The following KCNIP1 variants were observed in gnomAD, a reference collection of about 807,000 sequenced individuals.
KCNIP1 encodes potassium voltage-gated channel interacting protein 1, also known as A-type potassium channel modulatory protein KCNIP1.
In KCNIP1, 18 loss-of-function variants were observed where a neutral mutation model predicts 33.0. The observed-to-expected ratio is 0.55, with a 90% CI of 0.38 to 0.81. The LOEUF (loss-of-function observed/expected upper bound fraction) is 0.81. Among genes scored for constraint, KCNIP1 ranks in the 30% least tolerant of loss-of-function variants. The pLI, the probability that KCNIP1 is intolerant of heterozygous loss-of-function variation, is 0.00. For missense variants in KCNIP1, 238 were observed against 271.6 expected, an observed-to-expected ratio of 0.88 and a Z score of 0.87; for synonymous variants, 93 against 98.3, an observed-to-expected ratio of 0.95 and a Z score of 0.32.
intron 1 of KCNIP1, among the ~76,000 whole-genome samples, chr5:170,578,107 C>T (rs1265783021): frequency 6.6e-6 from 1 of 152,232 alleles, no homozygotes; most frequent in Non-Finnish European, 1.5e-5. Context: ...ATGTGGTAGG[C>T]AGGCTTTGCT....
intron 1 of KCNIP1, among the ~76,000 whole-genome samples, chr5:170,550,828 A>T (rs1756600422): frequency 6.6e-6 from 1 of 152,216 alleles, no homozygotes; most frequent in African/African-American, 2.4e-5. Context: ...GGCAATGATG[A>T]TAGAGTTTAA....
At chr5:170,353,804 G>A in exon 1 of KCNIP1, 1 of 1,421,788 alleles carries the variant, frequency 7.0e-7, no homozygotes, top group African/African-American at 1.4e-5. Context: ...CAGGCTCCAA[G>A]TTCCTGGGGT....
intron 1 of KCNIP1, among the ~76,000 whole-genome samples, chr5:170,667,056 A>G (rs903107941): frequency 1.3e-5 from 2 of 152,212 alleles, no homozygotes; most frequent in East Asian, 1.9e-4. Context: ...GCTCACGCCT[A>G]TAATCCCAAC....
At chr5:170,604,646 T>A (rs1482446707) in intron 1 of KCNIP1, among the ~76,000 whole-genome samples, 1 of 152,164 alleles carries the variant, frequency 6.6e-6, no homozygotes. Flanking sequence ...TATTCCCTGC[T>A]CACTCCTGGT....
chr5:170,404,310 A>T (rs1313476008), intron 1 of KCNIP1, among the ~76,000 whole-genome samples: 1 of 151,872 alleles, frequency 6.6e-6, no homozygotes, highest in Non-Finnish European at 1.5e-5. Flanking sequence ...TTTTTTTCCA[A>T]GATTTTTTTT....
At chr5:170,676,659 A>G (rs1762156555) in intron 1 of KCNIP1, among the ~76,000 whole-genome samples, 1 of 152,192 alleles carries the variant, frequency 6.6e-6, no homozygotes, top group Non-Finnish European at 1.5e-5. Context: ...GAAAGCCCCC[A>G]TGGCAGCAGC....
chr5:170,503,929 T>TG, upstream of KCNIP1: 45 of 498,998 alleles, frequency 9.0e-5, no homozygotes, highest in Non-Finnish European at 1.1e-4. Flanking sequence ...GGGCTGGGCG[T>TG]CCCCCGCCCC....
chr5:170,621,543 C>T (rs2113644013), intron 1 of KCNIP1, among the ~76,000 whole-genome samples: 1 of 152,268 alleles, frequency 6.6e-6, no homozygotes, highest in South Asian at 2.1e-4. Context: ...TGATTTATTG[C>T]TCTGTCACCC....
chr5:170,646,135 A>T (rs2113710281), intron 1 of KCNIP1, among the ~76,000 whole-genome samples: 1 of 152,348 alleles, frequency 6.6e-6, no homozygotes, highest in Admixed American at 6.5e-5. Context: ...CCAGGCTCAG[A>T]TAGGCTGATT....
chr5:170,563,547 A>G (rs1409693153), intron 1 of KCNIP1, among the ~76,000 whole-genome samples: 1 of 152,232 alleles, frequency 6.6e-6, no homozygotes, highest in African/African-American at 2.4e-5. Context: ...GCTCTCAGCT[A>G]CATCTTACCT....
At chr5:170,353,824 G>A in exon 1 of KCNIP1, 1 of 1,545,776 alleles carries the variant, frequency 6.5e-7, no homozygotes, top group Non-Finnish European at 8.9e-7. Flanking sequence ...TGCACAAGGT[G>A]GGCACTGTCC....
chr5:170,515,672 C>T (rs909382781), intron 1 of KCNIP1, among the ~76,000 whole-genome samples: 8 of 152,218 alleles, frequency 5.3e-5, no homozygotes, highest in Non-Finnish European at 1.2e-4. Flanking sequence ...AGCAAATGTC[C>T]AATGTCTCAC....
In KCNIP1 at chr5:170,735,767, C is replaced by T. The variant is rs1279340983; in HGVS notation, c.612C>T (p.Asn204=). ...EFLESCQEDD[N]IMRSLQLFQN... is the part of the protein sequence containing the mutation. Reference sequence around the variant, plus strand: ...CCCTCCTTTTTTCCCAGGACGACAACATCATGAGGTCTCTCCAGCTGTTTC... The same window carrying T: ...CCCTCCTTTTTTCCCAGGACGACAATATCATGAGGTCTCTCCAGCTGTTTC... The change falls in exon 8 of 8, where the codon AAC becomes AAT. Residue 204 remains asparagine (N), a synonymous_variant. Coordinates refer to ENST00000328939, the MANE Select transcript of KCNIP1 (RefSeq NM_014592.4). The T allele has an allele frequency of 2.8e-5, 45 of 1,613,950 alleles. No homozygotes were observed. Among genetic ancestry groups the T allele is most frequent in the Non-Finnish European group, 3.6e-5 (42 of 1,179,958 alleles).
chr5:170,392,290 C>A (rs983092161), intron 1 of KCNIP1, among the ~76,000 whole-genome samples: 14 of 152,152 alleles, frequency 9.2e-5, no homozygotes, highest in Non-Finnish European at 1.5e-5. Flanking sequence ...CAGAGACAGC[C>A]CACCTGCTCT....
intron 1 of KCNIP1, among the ~76,000 whole-genome samples, chr5:170,664,557 C>T (rs559048710): frequency 3.9e-4 from 59 of 152,246 alleles, no homozygotes; most frequent in African/African-American, 1.4e-3. Context: ...GCAATCCACC[C>T]GCTTCAGCCT....
At chr5:170,511,189 A>G (rs760678874) in intron 1 of KCNIP1, among the ~76,000 whole-genome samples, 3 of 152,256 alleles carry the variant, frequency 2.0e-5, no homozygotes, top group Non-Finnish European at 4.4e-5. Context: ...AGCCTGGATG[A>G]CAGAGCGAGA....
intron 1 of KCNIP1, among the ~76,000 whole-genome samples, chr5:170,599,023 G>C (rs1758585986): frequency 6.6e-6 from 1 of 151,956 alleles, no homozygotes; most frequent in Non-Finnish European, 1.5e-5. Context: ...AAGTAAGGCA[G>C]TTTGCAGATC....
chr5:170,361,289 C>T (rs894192303), intron 1 of KCNIP1, among the ~76,000 whole-genome samples: 7 of 152,270 alleles, frequency 4.6e-5, no homozygotes, highest in African/African-American at 9.6e-5. Context: ...ATAGGCCTCC[C>T]GGGCCAGCTG....
chr5:170,699,973 T>C (rs1247810239), intron 1 of KCNIP1, among the ~76,000 whole-genome samples: 1 of 152,182 alleles, frequency 6.6e-6, no homozygotes, highest in Non-Finnish European at 1.5e-5. Flanking sequence ...CTGTATTTTC[T>C]TTGCTGTTGG....
Sources: allele counts gnomAD v4.1 joint callset (sites outside exome capture counted in the v4.1 genomes callset), GRCh38; gene constraint gnomAD v4.1.1; transcripts MANE v1.5; gene names NCBI Gene and HGNC (gene_info 2026-07-23, HGNC 2026-07-21).